TENM2: variants seen among roughly 807,000 people sequenced by gnomAD.
TENM2 encodes teneurin transmembrane protein 2.
TENM2 carries 52 observed loss-of-function variants against 245.2 expected under a neutral mutation model. That is an observed-to-expected ratio of 0.21 (90% CI 0.17 to 0.27). The LOEUF is 0.27. TENM2 is among the 10% of genes least tolerant of loss of function. TENM2 has a pLI of 1.00. For missense variants in TENM2, 3,046 were observed against 3,666.8 expected, an observed-to-expected ratio of 0.83 and a Z score of 4.37; for synonymous variants, 1,363 against 1,438.9, an observed-to-expected ratio of 0.95 and a Z score of 1.19.
chr5:167,895,344 A>G (rs1233110510), intron 3 of TENM2, among the ~76,000 whole-genome samples: 3 of 152,104 alleles, frequency 2.0e-5, no homozygotes, highest in East Asian at 3.9e-4. Flanking sequence ...TCTGCTGAGC[A>G]TTTTCTGTGC....
At chr5:167,610,370 A>C (rs1246199639) in intron 2 of TENM2, among the ~76,000 whole-genome samples, 1 of 152,022 alleles carries the variant, frequency 6.6e-6, no homozygotes, top group African/African-American at 2.4e-5. Flanking sequence ...GACCGACTCA[A>C]CCTTCAGCCC....
chr5:167,720,771 G>C (rs1759573549), intron 2 of TENM2, among the ~76,000 whole-genome samples: 1 of 152,202 alleles, frequency 6.6e-6, no homozygotes, highest in African/African-American at 2.4e-5. Context: ...TGACATCAGA[G>C]ATTTGAGTGA....
At chr5:168,149,663 C>G (rs1195402174) in intron 12 of TENM2, among the ~76,000 whole-genome samples, 2 of 152,184 alleles carry the variant, frequency 1.3e-5, no homozygotes, top group African/African-American at 4.8e-5. Flanking sequence ...TGGCCCCATC[C>G]TCTCTCTGTT....
At chr5:167,473,025 A>G (rs7446316) in intron 2 of TENM2, among the ~76,000 whole-genome samples, 1 of 151,430 alleles carries the variant, frequency 6.6e-6, no homozygotes, top group Non-Finnish European at 1.5e-5. Flanking sequence ...ACACTCAGTT[A>G]AAAAAAAAGA....
In TENM2 at chr5:168,125,100, T is replaced by A. The variant is rs1397349991; in HGVS notation, c.2209+50T>A. On this transcript the variant is annotated intron_variant, in intron 11 of 28. Coordinates refer to ENST00000518659, the Ensembl canonical transcript of TENM2. ...CTCTCTCCAACACTCCTGCCCTGTG[T>A]TCCATCCCATTCTCAGATGGATGGG... 4 of 1,482,680 alleles carry A rather than the reference T, an allele frequency of 2.7e-6. No individual in the cohort carries two copies. The African/African-American group carries it at 5.6e-5, about 21-fold the overall frequency. The allele number at this position is 1,482,680 out of a possible 1,614,324, so 91.8% of individuals were successfully genotyped here. A position where few individuals can be genotyped will look rare whatever the true frequency, so the allele number is the denominator to read the frequency against.
At chr5:167,606,967 G>GT (rs1355891289) in intron 2 of TENM2, among the ~76,000 whole-genome samples, 2 of 152,098 alleles carry the variant, frequency 1.3e-5, no homozygotes, top group South Asian at 2.1e-4. Flanking sequence ...TAAAGACCAG[G>GT]TTTTCTGGTA....
chr5:168,161,698 CCA>C (rs1365876705), intron 12 of TENM2, among the ~76,000 whole-genome samples: 5 of 152,064 alleles, frequency 3.3e-5, no homozygotes, highest in Admixed American at 1.3e-4. Context: ...CTTTTCTCCC[CCA>C]GTCTCCCTTT....
chr5:167,530,522 C>T (rs1450426752), intron 2 of TENM2, among the ~76,000 whole-genome samples: 1 of 152,146 alleles, frequency 6.6e-6, no homozygotes, highest in African/African-American at 2.4e-5. Flanking sequence ...TGGATTTTCT[C>T]ACAAAATGGC....
chr5:168,026,594 G>T (rs1298260714), intron 5 of TENM2, among the ~76,000 whole-genome samples: 1 of 152,166 alleles, frequency 6.6e-6, no homozygotes, highest in Non-Finnish European at 1.5e-5. Flanking sequence ...ACAGGCTCTA[G>T]AATACAGGCT....
intron 2 of TENM2, among the ~76,000 whole-genome samples, chr5:167,796,334 A>G (rs1765313872): frequency 6.6e-6 from 1 of 152,062 alleles, no homozygotes; most frequent in Non-Finnish European, 1.5e-5. Flanking sequence ...TGCATGATCT[A>G]CTCTGCAGCT....
In TENM2 at chr5:168,156,256, A is replaced by AAAAAAAAC. The variant is rs1554210150; in HGVS notation, c.2423-6348_2423-6347insCAAAAAAA. Among the ~76,000 whole-genome samples, 16 of 149,628 alleles carry AAAAAAAAC rather than the reference A, an allele frequency of 1.1e-4. No individual in the cohort carries two copies. In the East Asian group the frequency reaches 2.5e-3, roughly 24 times the overall value. ...AGGTTTTCCCCATAGTTAAAAAAAA[A>AAAAAAAAC]AAAAAAAAAACACTTTTTTTTTTTC... On this transcript the variant is annotated intron_variant, in intron 12 of 28. Transcript: ENST00000518659.
the TENM2 span, among the ~76,000 whole-genome samples, chr5:167,033,644 C>T: frequency 9.2e-5 from 14 of 152,148 alleles, no homozygotes; most frequent in Admixed American, 8.5e-4. Context: ...AGTCGCTTCC[C>T]ATCTTTTATA....
intron 2 of TENM2, among the ~76,000 whole-genome samples, chr5:167,584,884 G>A (rs557952242): frequency 6.6e-6 from 1 of 151,894 alleles, no homozygotes; most frequent in Non-Finnish European, 1.5e-5. Flanking sequence ...TAGTAGATTT[G>A]GGGCTACACC....
chr5:167,632,572 C>T (rs1046159122), intron 2 of TENM2, among the ~76,000 whole-genome samples: 4 of 152,076 alleles, frequency 2.6e-5, no homozygotes, highest in South Asian at 2.1e-4. Flanking sequence ...GTTTTTTACC[C>T]GTTAATTTCA....
the TENM2 span, among the ~76,000 whole-genome samples, chr5:167,226,843 T>G: frequency 6.6e-6 from 1 of 152,028 alleles, no homozygotes; most frequent in Admixed American, 6.6e-5. Flanking sequence ...TGACATTTGT[T>G]TTATGAATCT....
At chr5:167,080,104 C>T in the TENM2 span, among the ~76,000 whole-genome samples, 1 of 152,184 alleles carries the variant, frequency 6.6e-6, no homozygotes. Flanking sequence ...TTACCTTCCA[C>T]AAATGCAGCA....
At chr5:167,798,815 T>C (rs1160389256) in intron 2 of TENM2, among the ~76,000 whole-genome samples, 1 of 152,178 alleles carries the variant, frequency 6.6e-6, no homozygotes, top group Non-Finnish European at 1.5e-5. Context: ...CACACTAAAC[T>C]CCACTGTGGT....
the TENM2 span, among the ~76,000 whole-genome samples, chr5:167,210,625 G>A: frequency 1.3e-4 from 20 of 151,434 alleles, no homozygotes; most frequent in East Asian, 2.9e-3. Flanking sequence ...CACCGCGCCC[G>A]GCTAATTTTT....
At chr5:167,790,532 A>C (rs1214280577) in intron 2 of TENM2, among the ~76,000 whole-genome samples, 1 of 152,186 alleles carries the variant, frequency 6.6e-6, no homozygotes, top group Non-Finnish European at 1.5e-5. Context: ...CAGATAGTCC[A>C]TGCCGAAAAG....
Sources: gnomAD v4.1 joint callset for allele counts (sites outside exome capture counted in the v4.1 genomes callset) on GRCh38, gnomAD v4.1.1 for gene constraint, MANE v1.5 for transcripts, NCBI Gene and HGNC (gene_info 2026-07-23, HGNC 2026-07-21) for gene names.